The following EIF2AK4 variants were observed in gnomAD, a reference collection of about 807,000 sequenced individuals.
The protein encoded by EIF2AK4 is eukaryotic translation initiation factor 2 alpha kinase 4.
EIF2AK4 carries 139 observed loss-of-function variants against 211.1 expected under a neutral mutation model. The observed-to-expected ratio is 0.66, with a 90% CI of 0.57 to 0.76. EIF2AK4 has a LOEUF of 0.76. EIF2AK4 is among the 30% of genes least tolerant of loss of function. EIF2AK4 has a pLI of 0.00. For synonymous variants in EIF2AK4, 710 were observed against 751.3 expected, an observed-to-expected ratio of 0.94 and a Z score of 0.90; for missense variants, 1,664 against 2,043.8, an observed-to-expected ratio of 0.81 and a Z score of 3.58.
Position 39,934,174 on chromosome 15 carries a change from C to T in EIF2AK4, c.-22C>T, listed in dbSNP as rs1176604367. 69 of 1,414,358 alleles carry T rather than the reference C, an allele frequency of 4.9e-5. No individual in the cohort carries two copies. Among genetic ancestry groups the T allele is most frequent in the Non-Finnish European group, 6.3e-5 (68 of 1,085,580 alleles). 87.6% of individuals were successfully genotyped at this position (1,414,358 alleles called of 1,614,324 possible). On this transcript the variant is annotated 5_prime_UTR_variant, in exon 1 of 39. Transcript: ENST00000263791. ...CCACCGCCGCCCAGGCAAGGCCGCC[C>T]TGCCTTGGGCGCAGCGCTGCCATGG...
At chr15:40,003,158 C>T in intron 22 of EIF2AK4, 35 bp from the exon 23 acceptor site, 1 of 1,610,172 alleles carries the variant, frequency 6.2e-7, no homozygotes, top group Non-Finnish European at 8.5e-7. Flanking sequence ...AGAATGTGAA[C>T]CTGATGATGA....
intron 37 of EIF2AK4, among the ~76,000 whole-genome samples, chr15:40,033,899 G>A (rs947839103): frequency 1.3e-5 from 2 of 151,860 alleles, no homozygotes; most frequent in African/African-American, 4.8e-5. Flanking sequence ...GTAGTGGCAG[G>A]CGCCTGTAAT....
intron 1 of EIF2AK4, among the ~76,000 whole-genome samples, chr15:39,936,859 T>C (rs2034071773): frequency 6.6e-6 from 1 of 152,138 alleles, no homozygotes; most frequent in South Asian, 2.1e-4. Flanking sequence ...ATAGAAATAC[T>C]CAAATTTCAC....
chr15:39,999,663 A>C (rs1439855097), intron 20 of EIF2AK4, among the ~76,000 whole-genome samples: 1 of 152,196 alleles, frequency 6.6e-6, no homozygotes, highest in African/African-American at 2.4e-5. Context: ...TCATTTGGTA[A>C]GTTTAACATG....
At position 39,973,028 on chromosome 15, in the gene EIF2AK4, C is replaced by T. The variant is rs947277539; in HGVS notation, c.1660+14C>T. ...AAAGTCCTGAAGGTGAGTCTGTTAC[C>T]TTTCTTTATTTGGTAACCTGTTTGA... is the stretch of plus-strand genomic sequence containing the variant. On this transcript the variant is annotated intron_variant, in intron 10 of 38. Transcript: ENST00000263791. 6.2e-7 allele frequency: 1 copy of T among 1,603,152 alleles called. No homozygotes were observed. Among genetic ancestry groups the T allele is most frequent in the Non-Finnish European group, 8.5e-7 (1 of 1,170,172 alleles).
chr15:40,000,805 C>T (rs1262403152), intron 20 of EIF2AK4, among the ~76,000 whole-genome samples, 183 bp from the exon 21 acceptor site: 2 of 150,334 alleles, frequency 1.3e-5, no homozygotes, highest in Non-Finnish European at 3.0e-5. Context: ...TACATTGTTG[C>T]ACAACTCTGT....
rs55669603 is a variant in EIF2AK4, at chr15:39,944,432, C to CTTTTTTTTTT, written c.360+955_360+964dup. 6.0e-3 allele frequency among the ~76,000 whole-genome samples: 730 copies of CTTTTTTTTTT among 121,052 alleles called. 17 individuals are homozygous for CTTTTTTTTTT. The highest frequency in any genetic ancestry group is 0.034 in the East Asian group (103 of 3,074). The allele number at this position is 121,052 out of a possible 152,430, so 79.4% of individuals were successfully genotyped here. ...CCTGGCAGCTTATGTTTAACGATCT[C>CTTTTTTTTTT]TTTTTTTTTTTTTTTTTGAGGCGGA... On this transcript the variant is annotated intron_variant, in intron 3 of 38. Transcript: ENST00000263791.
At chr15:39,972,878 T>C (rs748115605) in intron 9 of EIF2AK4, 30 bp from the exon 10 acceptor site, 8 of 1,575,712 alleles carry the variant, frequency 5.1e-6, no homozygotes, top group African/African-American at 1.3e-5. Flanking sequence ...TTGTTTGTGA[T>C]GCTAAGATTC....
chr15:39,990,483 T>C, intron 16 of EIF2AK4, 106 bp downstream of exon 16: 4 of 954,028 alleles, frequency 4.2e-6, no homozygotes, highest in Non-Finnish European at 4.9e-6. Context: ...CTATGCCGTC[T>C]AATCCTCAGG....
chr15:39,993,524 G>T (rs2034979890), intron 18 of EIF2AK4, among the ~76,000 whole-genome samples: 2 of 152,208 alleles, frequency 1.3e-5, no homozygotes. Flanking sequence ...CACATGCCAG[G>T]GAGGGAGATG....
At chr15:40,021,058 G>C (rs948823340) in intron 31 of EIF2AK4, 31 bp downstream of exon 31, 21 of 1,606,442 alleles carry the variant, frequency 1.3e-5, no homozygotes, top group Non-Finnish European at 1.4e-5. Flanking sequence ...TGTGAGTGAA[G>C]TGCAAATTGC....
chr15:39,955,810 A>C lies in EIF2AK4; in HGVS notation c.743+42A>C, dbSNP rs762548493. 17 of 1,550,622 alleles carry C rather than the reference A, an allele frequency of 1.1e-5. No individual in the cohort carries two copies. In the East Asian group the frequency reaches 2.1e-4, roughly 19 times the overall value. Reference sequence around the variant, plus strand: ...TCTGATCTGGGAGAATGACAGATGTAGAAGGATTTTACTACATTGAAGATG... The same window carrying C: ...TCTGATCTGGGAGAATGACAGATGTCGAAGGATTTTACTACATTGAAGATG... On this transcript the variant is annotated intron_variant, in intron 6 of 38. Transcript: ENST00000263791.
At chr15:39,973,535 T>G in intron 10 of EIF2AK4, 57 bp from the exon 11 acceptor site, 1 of 1,517,262 alleles carries the variant, frequency 6.6e-7, no homozygotes. Context: ...GTTGGCTATG[T>G]AGCTCTTCCT....
chr15:39,960,297 A>T (rs894068493), intron 6 of EIF2AK4, among the ~76,000 whole-genome samples: 2 of 152,086 alleles, frequency 1.3e-5, no homozygotes, highest in African/African-American at 4.8e-5. Flanking sequence ...AAGCAGAAAG[A>T]CCAGATAATA....
intron 20 of EIF2AK4, 57 bp from the exon 21 acceptor site, chr15:40,000,931 A>G: frequency 1.3e-6 from 2 of 1,557,624 alleles, no homozygotes; most frequent in Non-Finnish European, 1.8e-6. Flanking sequence ...TTGTCCGGAG[A>G]ATAGCTGAGC....
At chr15:39,967,281 A>G in intron 8 of EIF2AK4, 63 bp from the exon 9 acceptor site, 1 of 1,479,852 alleles carries the variant, frequency 6.8e-7, no homozygotes, top group Non-Finnish European at 9.0e-7. Flanking sequence ...TTCACTTTTG[A>G]AATGAAACCC....
chr15:39,986,925 G>C (rs534677922), intron 14 of EIF2AK4, among the ~76,000 whole-genome samples: 39 of 152,156 alleles, frequency 2.6e-4, no homozygotes, highest in Non-Finnish European at 4.6e-4. Flanking sequence ...ACAGGACTGT[G>C]GGTCACTGTT....
intron 9 of EIF2AK4, among the ~76,000 whole-genome samples, chr15:39,970,771 A>C (rs1322913952): frequency 6.6e-6 from 1 of 152,234 alleles, no homozygotes; most frequent in East Asian, 1.9e-4. Context: ...TATCATTATC[A>C]GTAATGTTTT....
At chr15:39,951,857 A>G (rs16970030) in intron 4 of EIF2AK4, 11,299 of 155,614 alleles carry the variant, frequency 0.073, 774 homozygotes, top group Admixed American at 0.2. Context: ...TGCTGGAGTT[A>G]TAGGTGGTGC....
Sources: allele counts gnomAD v4.1 joint callset (sites outside exome capture counted in the v4.1 genomes callset), GRCh38; gene constraint gnomAD v4.1.1; transcripts MANE v1.5; gene names NCBI Gene and HGNC (gene_info 2026-07-23, HGNC 2026-07-21).